SLC20A2: variants seen among roughly 807,000 people sequenced by gnomAD.
SLC20A2 encodes solute carrier family 20 member 2.
SLC20A2 carries 30 observed loss-of-function variants against 61.0 expected under a neutral mutation model. The ratio of observed to expected loss-of-function variants is 0.49; its 90% CI spans 0.37 to 0.67. The LOEUF (loss-of-function observed/expected upper bound fraction) is 0.67, where lower values mean the gene tolerates loss of function less well. Among genes scored for constraint, SLC20A2 ranks in the 30% least tolerant of loss-of-function variants. The pLI is 0.00. For missense variants in SLC20A2, 626 were observed against 866.4 expected (o/e 0.72, Z 3.48); for synonymous variants, 351 against 353.3 (o/e 0.99, Z 0.07).
At chr8:42,528,034 T>G (rs994653748) in intron 1 of SLC20A2, among the ~76,000 whole-genome samples, 4 of 152,186 alleles carry the variant, frequency 2.6e-5, no homozygotes, top group African/African-American at 9.7e-5. Flanking sequence ...TTACCTGATT[T>G]TCTATTACCA....
At chr8:42,504,660 G>A (rs553569645), upstream of SLC20A2, among the ~76,000 whole-genome samples, 100 of 151,228 alleles carry the variant, frequency 6.6e-4, no homozygotes, top group Non-Finnish European at 1.0e-3. Flanking sequence ...TGACCAACAT[G>A]CTGAAACCCT....
chr8:42,539,404 A>T (rs930192558), intron 1 of SLC20A2, among the ~76,000 whole-genome samples: 4 of 152,228 alleles, frequency 2.6e-5, no homozygotes. Flanking sequence ...GGAAGCCAAA[A>T]CTGTTCAATT....
At chr8:42,507,494 C>T (rs1810779786) in intron 1 of SLC20A2, among the ~76,000 whole-genome samples, 2 of 152,132 alleles carry the variant, frequency 1.3e-5, no homozygotes, top group South Asian at 4.1e-4. Flanking sequence ...GTAAAGGCAG[C>T]ATTATGACTG....
chr8:42,466,279 T>G (rs1358572840), intron 2 of SLC20A2, among the ~76,000 whole-genome samples: 1 of 152,164 alleles, frequency 6.6e-6, no homozygotes, highest in Admixed American at 6.5e-5. Flanking sequence ...AAAGATGGGG[T>G]CTCACTATGT....
In SLC20A2 at chr8:42,439,567, C is replaced by G; in HGVS notation, c.817G>C (p.Glu273Gln). 6.2e-7 allele frequency: 1 copy of G among 1,614,192 alleles called. No homozygotes were observed. The highest frequency in any genetic ancestry group is 8.5e-7 in the Non-Finnish European group (1 of 1,180,008). ...VQEAESPVFK[E>Q]LPGAKANDDS... ...TCATTAGCCTTGGCACCTGGTAGCT[C>G]TTTAAATACTGGGGACTCTGCTTCC... The change falls in exon 7 of 11, where the codon GAG becomes CAG. Residue 273 changes from glutamate to glutamine, a missense_variant. Physicochemically the swap from Glu to Gln is conservative, Grantham distance 29 (BLOSUM62 2). Transcript: ENST00000520262.
intron 5 of SLC20A2, among the ~76,000 whole-genome samples, chr8:42,451,020 A>G (rs1302533921): frequency 6.6e-6 from 1 of 152,170 alleles, no homozygotes; most frequent in Non-Finnish European, 1.5e-5. Context: ...CAATCACAGC[A>G]TGGAAGAAAG....
chr8:42,447,318 C>G (rs1805287269), intron 5 of SLC20A2, among the ~76,000 whole-genome samples: 1 of 151,244 alleles, frequency 6.6e-6, no homozygotes, highest in African/African-American at 2.4e-5. Context: ...TGAACTCCAG[C>G]CTGGGCAACA....
intron 5 of SLC20A2, among the ~76,000 whole-genome samples, chr8:42,452,513 GGAAGAGATAAAGAGGAGGAGGAA>G (rs1489687711): frequency 6.6e-6 from 1 of 150,828 alleles, no homozygotes. Flanking sequence ...AAGAGGAGGA[GGAAGAGATAAAGAGGAGGAGGAA>G]GAAGAGATAA....
intron 5 of SLC20A2, among the ~76,000 whole-genome samples, chr8:42,458,781 C>T (rs986654192): frequency 2.0e-5 from 3 of 151,558 alleles, no homozygotes; most frequent in Non-Finnish European, 4.4e-5. Flanking sequence ...AGGAGGAGGG[C>T]GCCTGTAGTC....
chr8:42,454,601 A>C (rs995324089), intron 5 of SLC20A2, among the ~76,000 whole-genome samples: 1 of 150,764 alleles, frequency 6.6e-6, no homozygotes, highest in African/African-American at 2.5e-5. Context: ...GGAATAATGA[A>C]CTTCAAGATC....
intron 1 of SLC20A2, among the ~76,000 whole-genome samples, chr8:42,486,435 G>A (rs944939097): frequency 5.9e-5 from 9 of 152,050 alleles, no homozygotes; most frequent in African/African-American, 1.7e-4. Flanking sequence ...GGGCTCAAGC[G>A]ATCCTCCGGC....
intron 1 of SLC20A2, among the ~76,000 whole-genome samples, chr8:42,491,894 G>A (rs1809543139): frequency 6.6e-6 from 1 of 152,192 alleles, no homozygotes. Flanking sequence ...TTGGTGTGCA[G>A]GAGAGCTTTG....
chr8:42,439,474 C>G lies in SLC20A2; in HGVS notation c.910G>C (p.Gly304Arg). Reference sequence around the variant, plus strand: ...CCGTATGCAGCCCGAGGGTGGCTGCCCGCAGAAGTGCCTTCCGAGGTCCCC... The same window carrying G: ...CCGTATGCAGCCCGAGGGTGGCTGCGCGCAGAAGTGCCTTCCGAGGTCCCC... The part of the protein sequence containing the change: ...TLGTSEGTSA[G>R]SHPRAAYGRA... The change falls in exon 7 of 11, where the codon GGC becomes CGC. Residue 304 changes from glycine to arginine, a missense_variant. Coordinates refer to ENST00000520262, the MANE Select transcript of SLC20A2 (RefSeq NM_001257180.2). 1 of 1,613,702 alleles carries G rather than the reference C, an allele frequency of 6.2e-7. No individual in the cohort carries two copies. Among genetic ancestry groups the G allele is most frequent in the African/African-American group, 1.3e-5 (1 of 74,994 alleles).
intron 10 of SLC20A2, among the ~76,000 whole-genome samples, chr8:42,426,667 C>T (rs1459742172): frequency 6.6e-6 from 1 of 152,082 alleles, no homozygotes; most frequent in Non-Finnish European, 1.5e-5. Flanking sequence ...CGCACTCCAG[C>T]CTGGATGAGA....
intron 5 of SLC20A2, among the ~76,000 whole-genome samples, chr8:42,456,211 G>A (rs1806186596): frequency 6.6e-6 from 1 of 152,136 alleles, no homozygotes; most frequent in South Asian, 2.1e-4. Context: ...CTGACAGTTG[G>A]AAGAAGAACC....
Position 42,437,647 on chromosome 8 carries a change from C to G in SLC20A2, c.935-70G>C. On this transcript the variant is annotated intron_variant, in intron 7 of 10. Coordinates refer to ENST00000520262, the MANE Select transcript of SLC20A2 (RefSeq NM_001257180.2). This position sits in a 1 kb window ranked among gnomAD's most constrained non-coding sequence, Gnocchi z 6.4. ...TTTTTCTTTTCTTTTTGAGACGGAG[C>G]CTTGCTCTGTCCTCAGGGTGGAGTA... 7.6e-7 allele frequency: 1 copy of G among 1,308,466 alleles called. No homozygotes were observed. The highest frequency in any genetic ancestry group is 2.5e-5 in the East Asian group (1 of 39,966). The allele number at this position is 1,308,466 out of a possible 1,614,324, so 81.1% of individuals were successfully genotyped here.
At chr8:42,509,630 T>C (rs1810919687) in intron 1 of SLC20A2, among the ~76,000 whole-genome samples, 1 of 152,056 alleles carries the variant, frequency 6.6e-6, no homozygotes, top group Non-Finnish European at 1.5e-5. Flanking sequence ...GGTACCCGCC[T>C]GTAGTCCAAG....
chr8:42,473,777 C>T (rs987248994), intron 1 of SLC20A2, among the ~76,000 whole-genome samples: 1 of 152,086 alleles, frequency 6.6e-6, no homozygotes, highest in Non-Finnish European at 1.5e-5. Flanking sequence ...AAATACCACA[C>T]CATATACAAT....
intron 1 of SLC20A2, among the ~76,000 whole-genome samples, chr8:42,478,037 C>T (rs1808266278): frequency 6.6e-6 from 1 of 151,330 alleles, no homozygotes; most frequent in Non-Finnish European, 1.5e-5. Flanking sequence ...AGGTGCACAC[C>T]ACCACACCCA....
Sources: allele counts gnomAD v4.1 joint callset (sites outside exome capture counted in the v4.1 genomes callset), GRCh38; gene constraint gnomAD v4.1.1; non-coding constraint Gnocchi (gnomAD v3.1); transcripts MANE v1.5; gene names NCBI Gene and HGNC (gene_info 2026-07-23, HGNC 2026-07-21).